Variants in MTTP observed in about 807,000 individuals in gnomAD.
The protein encoded by MTTP is microsomal triglyceride transfer protein large subunit.
MTTP carries 49 observed loss-of-function variants against 90.6 expected under a neutral mutation model. That is an observed-to-expected ratio of 0.54 (90% CI 0.43 to 0.69). The LOEUF (loss-of-function observed/expected upper bound fraction) is 0.69, where lower values mean the gene tolerates loss of function less well. MTTP is among the 30% of genes least tolerant of loss of function. The pLI is 0.00. For missense variants in MTTP, 945 were observed against 1,067.5 expected (o/e 0.89, Z 1.60); for synonymous variants, 347 against 384.2 (o/e 0.90, Z 1.13).
intron 1 of MTTP, among the ~76,000 whole-genome samples, chr4:99,580,346 G>A (rs1725074054): frequency 6.6e-6 from 1 of 151,526 alleles, no homozygotes; most frequent in African/African-American, 2.4e-5. Flanking sequence ...AGGCCGAGGT[G>A]GGTGGATTAC....
At position 99,581,932 on chromosome 4, in the gene MTTP, A is replaced by G. The variant is rs1017876452; in HGVS notation, c.89A>G (p.Asn30Ser). The stretch of plus-strand genomic sequence containing the variant: ...CACACAACTGGTCTCTCATTAAATA[A>G]TGACCGGCTGTACAAGCTCACGTAC... ...KGHTTGLSLNNDRLYKLTYST... is the reference protein window; with the variant it reads ...KGHTTGLSLNSDRLYKLTYST... Residue 30 changes from asparagine to serine, a missense_variant, in exon 2 of 18, where the codon AAT (asparagine) becomes AGT (serine). By Grantham distance (46) the Asn-to-Ser change is conservative. Transcript: ENST00000265517. 1 of 1,614,174 alleles carries G rather than the reference A, an allele frequency of 6.2e-7. No individual in the cohort carries two copies. The highest frequency in any genetic ancestry group is 1.1e-5 in the South Asian group (1 of 91,088).
intron 10 of MTTP, 89 bp from the exon 11 acceptor site, chr4:99,606,659 G>T: frequency 7.7e-7 from 1 of 1,299,976 alleles, no homozygotes; most frequent in South Asian, 1.2e-5. Context: ...ACTGTAGGTT[G>T]CTTTCTTGGA....
At chr4:99,620,303 C>A (rs1273517306) in intron 16 of MTTP, among the ~76,000 whole-genome samples, 1 of 152,206 alleles carries the variant, frequency 6.6e-6, no homozygotes, top group African/African-American at 2.4e-5. Context: ...ATAAAACTCT[C>A]ATTTAATTGT....
At chr4:99,572,218 T>G (rs1724856277), upstream of MTTP, among the ~76,000 whole-genome samples, 1 of 152,032 alleles carries the variant, frequency 6.6e-6, no homozygotes, top group African/African-American at 2.4e-5. Context: ...CTAAGGAATT[T>G]CATTGCAATA....
intron 17 of MTTP, 139 bp downstream of exon 17, chr4:99,621,370 A>G: frequency 8.7e-7 from 1 of 1,148,124 alleles, no homozygotes; most frequent in Non-Finnish European, 1.3e-6. Context: ...TTAAATGAGT[A>G]GAAGAATAAT....
intron 7 of MTTP, 64 bp from the exon 8 acceptor site, chr4:99,597,003 C>T: frequency 1.6e-5 from 26 of 1,603,896 alleles, no homozygotes; most frequent in Non-Finnish European, 2.2e-5. Flanking sequence ...AGGAGAACAC[C>T]CTTTGTAAAT....
At chr4:99,575,050 G>C in intron 1 of MTTP, 80 bp downstream of exon 1, 1 of 1,451,166 alleles carries the variant, frequency 6.9e-7, no homozygotes, top group Non-Finnish European at 9.7e-7. Flanking sequence ...GTGTGTGTTT[G>C]TGTGAGTGAA....
chr4:99,596,933 G>A (rs776577059), intron 7 of MTTP, 134 bp from the exon 8 acceptor site: 28 of 1,060,046 alleles, frequency 2.6e-5, no homozygotes, highest in Non-Finnish European at 4.0e-5. Flanking sequence ...ACTGTCATGT[G>A]TATTGAGGTA....
At chr4:99,585,839 GTA>G (rs1725245825) in intron 3 of MTTP, among the ~76,000 whole-genome samples, 1 of 152,100 alleles carries the variant, frequency 6.6e-6, no homozygotes, top group Admixed American at 6.6e-5. Context: ...TATCTTTCAA[GTA>G]TATAATAAAA....
intron 15 of MTTP, among the ~76,000 whole-genome samples, chr4:99,617,505 C>A (rs1161683251): frequency 6.6e-6 from 1 of 152,114 alleles, no homozygotes; most frequent in African/African-American, 2.4e-5. Context: ...CTGGCAAATG[C>A]ATGGCTTGTT....
chr4:99,591,455 T>G, intron 5 of MTTP, 104 bp downstream of exon 5: 1 of 1,189,236 alleles, frequency 8.4e-7, no homozygotes, highest in Middle Eastern at 2.1e-4. Flanking sequence ...TTTGAAACAT[T>G]TGTAATTTTT....
chr4:99,612,347 C>T (rs1477894426), intron 14 of MTTP, among the ~76,000 whole-genome samples: 1 of 151,348 alleles, frequency 6.6e-6, no homozygotes, highest in Non-Finnish European at 1.5e-5. Flanking sequence ...TGTGTTAGCC[C>T]CCTCATGGTG....
At chr4:99,588,689 A>ATG (rs1725317084) in intron 3 of MTTP, among the ~76,000 whole-genome samples, 1 of 132,490 alleles carries the variant, frequency 7.5e-6, no homozygotes, top group African/African-American at 3.0e-5. Context: ...CCTTCTGAAT[A>ATG]TATATATACA....
At position 99,566,863 on chromosome 4, in the gene MTTP, T is replaced by C. The variant is rs146423955; in HGVS notation, c.-102+2626T>C. On this transcript the variant is annotated intron_variant, in intron 1 of 18. Transcript: ENST00000457717. ...TATGATTATGAACCCCTCCGTAAGTTTGATTTCAAAACATTGGGCAATCAT... is the reference window on the plus strand; with the variant it reads ...TATGATTATGAACCCCTCCGTAAGTCTGATTTCAAAACATTGGGCAATCAT... Among the ~76,000 whole-genome samples, 114 of 152,330 alleles carry C rather than the reference T, an allele frequency of 7.5e-4. 1 individual carries two copies. Among genetic ancestry groups the C allele is most frequent in the African/African-American group, 2.0e-3 (85 of 41,566 alleles).
rs1435829526 is a variant in MTTP, at chr4:99,611,226, C to T, written c.1853C>T (p.Thr618Ile). Residue 618 changes from threonine to isoleucine, a missense_variant, in exon 13 of 18, where the codon ACT (threonine) becomes ATT (isoleucine). Physicochemically the swap from Thr to Ile is moderately conservative, Grantham distance 89. Transcript: ENST00000265517. ...AGGAGTGGATCTTCTTCTGCCTACA[C>T]TGGCTACATAGAACGTATGTACACC... is the stretch of plus-strand genomic sequence containing the variant. ...FSRSGSSSAY[T>I]GYIERSPRSA... 6.2e-7 allele frequency: 1 copy of T among 1,613,916 alleles called. No homozygotes were observed. Among genetic ancestry groups the T allele is most frequent in the African/African-American group, 1.3e-5 (1 of 74,924 alleles).
Position 99,611,194 on chromosome 4 carries a change from T to C in MTTP, c.1821T>C (p.Arg607=), listed in dbSNP as rs768806160. The change falls in exon 13 of 18, where the codon CGT becomes CGC. Residue 607 remains arginine, a synonymous_variant. Transcript: ENST00000265517. ...LKEMVAHNYD[R]FSRSGSSSAY... ...AAATGGTCGCTCACAATTATGACCGTTTCTCCAGGAGTGGATCTTCTTCTG... is the reference window on the plus strand; with the variant it reads ...AAATGGTCGCTCACAATTATGACCGCTTCTCCAGGAGTGGATCTTCTTCTG... 1 of 1,614,082 alleles carries C rather than the reference T, an allele frequency of 6.2e-7. No individual in the cohort carries two copies. Among genetic ancestry groups the C allele is most frequent in the South Asian group, 1.1e-5 (1 of 91,052 alleles).
Position 99,622,828 on chromosome 4 carries a change from A to G in MTTP, c.2665A>G (p.Thr889Ala). 6.2e-7 allele frequency: 1 copy of G among 1,614,122 alleles called. No homozygotes were observed. The highest frequency in any genetic ancestry group is 8.5e-7 in the Non-Finnish European group (1 of 1,179,980). Residue 889 changes from threonine to alanine, a missense_variant, in exon 18 of 18, where the codon ACT becomes GCT. By Grantham distance (58) the Thr-to-Ala change is moderately conservative. Transcript: ENST00000265517. Reference protein sequence around the residue: ...KVVFAPQPDSTSSGWF With the variant: ...KVVFAPQPDSASSGWF Reference sequence around the variant, plus strand: ...GGTGTTTGCCCCTCAGCCGGATAGTACTTCCAGCGGATGGTTTTGAAACTG... The same window carrying G: ...GGTGTTTGCCCCTCAGCCGGATAGTGCTTCCAGCGGATGGTTTTGAAACTG...
chr4:99,577,641 G>A (rs958405544), intron 1 of MTTP, among the ~76,000 whole-genome samples: 8 of 149,872 alleles, frequency 5.3e-5, no homozygotes, highest in South Asian at 2.1e-4. Flanking sequence ...AGAAAGAAAG[G>A]AAGGAAGAAA....
chr4:99,593,254 C>T (rs1258774783), intron 6 of MTTP, among the ~76,000 whole-genome samples: 1 of 151,940 alleles, frequency 6.6e-6, no homozygotes, highest in African/African-American at 2.4e-5. Context: ...TATTAAAAAT[C>T]AATTATTTAT....
Sources: gnomAD v4.1 joint callset for allele counts (sites outside exome capture counted in the v4.1 genomes callset) on GRCh38, gnomAD v4.1.1 for gene constraint, MANE v1.5 for transcripts, NCBI Gene and HGNC (gene_info 2026-07-23, HGNC 2026-07-21) for gene names.